Variants in CSPG4 observed in about 807,000 individuals in gnomAD.
CSPG4 encodes chondroitin sulfate proteoglycan 4.
In CSPG4, 74 loss-of-function variants were observed where a neutral mutation model predicts 139.3. The ratio of observed to expected loss-of-function variants is 0.53; its 90% CI spans 0.44 to 0.64. The LOEUF (loss-of-function observed/expected upper bound fraction) is 0.64. CSPG4 is among the 30% of genes least tolerant of loss of function. The pLI is 0.00. For missense variants in CSPG4, 2,565 were observed against 3,148.3 expected (o/e 0.81, Z 4.43); for synonymous variants, 1,234 against 1,394.2 (o/e 0.89, Z 2.56).
At chr15:75,712,949 C>G (rs1315610567), upstream of CSPG4, 7 of 536,340 alleles carry the variant, frequency 1.3e-5, no homozygotes, top group East Asian at 1.0e-4. Context: ...CACCTGCCCC[C>G]ACCCTCAACC....
Position 75,685,037 on chromosome 15 carries a change from A to C in CSPG4, c.4273-125T>G, listed in dbSNP as rs188002978. 8.4e-4 allele frequency: 1,082 copies of C among 1,281,434 alleles called. 14 individuals carry two copies. In the East Asian group the frequency reaches 0.02, roughly 24 times the overall value. 79.4% of individuals were successfully genotyped at this position (1,281,434 alleles called of 1,614,324 possible). A position where few individuals can be genotyped will look rare whatever the true frequency, so the allele number is the denominator to read the frequency against. On this transcript the variant is annotated intron_variant, in intron 4 of 9. Transcript: ENST00000308508. ...CCATTGGTAGAAAATGGGGACCATA[A>C]GTTCTGGCTCCGAGGAGTTGTGAGG...
At position 75,704,598 on chromosome 15, in the gene CSPG4, G is replaced by C. The variant is rs554794268; in HGVS notation, c.88+8070C>G. 2.6e-5 allele frequency among the ~76,000 whole-genome samples: 4 copies of C among 152,278 alleles called. No homozygotes were observed. In the South Asian group the frequency reaches 8.3e-4, roughly 32 times the overall value. On this transcript the variant is annotated intron_variant, in intron 1 of 9. Coordinates refer to ENST00000308508, the MANE Select transcript of CSPG4 (RefSeq NM_001897.5). Reference sequence around the variant, plus strand: ...CCTCTACGTGGGTGAAGGCAGTGGGGGCCTGCACAATGGGATCTTGCCCTG... The same window carrying C: ...CCTCTACGTGGGTGAAGGCAGTGGGCGCCTGCACAATGGGATCTTGCCCTG...
intron 1 of CSPG4, among the ~76,000 whole-genome samples, chr15:75,700,374 G>A (rs1164369044): frequency 2.0e-5 from 3 of 152,092 alleles, no homozygotes; most frequent in East Asian, 3.9e-4. Context: ...CCGGGTGGAG[G>A]GGGCAGCGAG....
At chr15:75,706,918 A>G (rs1283864986) in intron 1 of CSPG4, among the ~76,000 whole-genome samples, 1 of 151,510 alleles carries the variant, frequency 6.6e-6, no homozygotes, top group Admixed American at 6.6e-5. Context: ...GAGTGCCAAT[A>G]GGATACCACC....
At position 75,684,754 on chromosome 15, in the gene CSPG4, A is replaced by G; in HGVS notation, c.4431T>C (p.Thr1477=). 6.2e-7 allele frequency: 1 copy of G among 1,613,426 alleles called. No homozygotes were observed. Among genetic ancestry groups the G allele is most frequent in the Non-Finnish European group, 8.5e-7 (1 of 1,179,732 alleles). Residue 1477 remains threonine, a synonymous_variant, in exon 5 of 10, where the codon ACT becomes ACC. Transcript: ENST00000308508. ...CTCTCACCTGCAGGCCTGTGTTTGT[A>G]GTGAGGATGGGGGGTTGGTCATTGA... ...LPVNDQPPIL[T]TNTGLQMWEG...
rs958921631 is a variant in CSPG4, at chr15:75,698,189, C to T, written c.89-4956G>A. ...CGCCCCTCGGGGTTTGGCACCACGG[C>T]GGGAGATCCTGGCTCCAGGTCTGGG... On this transcript the variant is annotated intron_variant, in intron 1 of 9. Transcript: ENST00000308508. The surrounding 1 kb of genome is among the most constrained non-coding windows in gnomAD (Gnocchi z 4.3). 2.0e-5 allele frequency among the ~76,000 whole-genome samples: 3 copies of T among 151,996 alleles called. No individual in the cohort carries two copies. The highest frequency in any genetic ancestry group is 6.5e-5 in the Admixed American group (1 of 15,274).
In CSPG4 at chr15:75,712,671, C is replaced by T; in HGVS notation, c.85G>A (p.Ala29Thr). Residue 29 changes from alanine to threonine, a missense_variant, in exon 1 of 10, where the codon GCG (alanine) becomes ACG (threonine). Physicochemically the swap from Ala to Thr is moderately conservative, Grantham distance 58. Transcript: ENST00000308508. ...TLTMLARLAS[A>T]ASFFGENHLE... ...GGGTCTCAGGCCCCTCACTCACCCG[C>T]GGATGCAAGTCTGGCCAACATAGTC... 3.2e-6 allele frequency: 5 copies of T among 1,560,322 alleles called. No individual in the cohort carries two copies. In the South Asian group the frequency reaches 4.7e-5, roughly 15 times the overall value.
rs763126027 is a variant in CSPG4 at position 75,690,697 on chromosome 15, A to G, written c.368T>C (p.Leu123Ser). Reference protein sequence around the residue: ...VLTVVEGWATLSVDGFLNASS... With the variant: ...VLTVVEGWATSSVDGFLNASS... ...GGCGTTCAGAAACCCATCGACTGAC[A>G]ACGTGGCCCAGCCCTCTACGACAGT... is the stretch of plus-strand genomic sequence containing the variant. The change falls in exon 3 of 10, where the codon TTG becomes TCG. Residue 123 changes from leucine to serine, a missense_variant. Around this residue, in one of 5 missense-constraint regions of CSPG4, gnomAD observed 132 missense variants for 132.3 expected, o/e 1.00. Coordinates refer to ENST00000308508, the MANE Select transcript of CSPG4 (RefSeq NM_001897.5). 61 of 1,612,942 alleles carry G rather than the reference A, an allele frequency of 3.8e-5. No homozygotes were observed. Among genetic ancestry groups the G allele is most frequent in the Middle Eastern group, 1.7e-4 (1 of 6,008 alleles).
intron 1 of CSPG4, among the ~76,000 whole-genome samples, chr15:75,697,949 A>G (rs1182056879): frequency 2.0e-5 from 3 of 152,214 alleles, no homozygotes; most frequent in Admixed American, 2.0e-4. Flanking sequence ...AAAACTGAGA[A>G]GGAGAAATCA....
At position 75,675,638 on chromosome 15, in the gene CSPG4, G is replaced by A. The variant is rs530682211; in HGVS notation, c.6881C>T (p.Pro2294Leu). The change falls in exon 10 of 10, where the codon CCC becomes CTC. Residue 2294 changes from proline (P) to leucine (L), a missense_variant. Physicochemically the swap from Pro to Leu is moderately conservative, Grantham distance 98. Coordinates refer to ENST00000308508, the MANE Select transcript of CSPG4 (RefSeq NM_001897.5). ...IPLTAVPGQGPPPGGQPDPEL... is the reference protein window; with the variant it reads ...IPLTAVPGQGLPPGGQPDPEL... ...TGGGTCAGGCTGGCCTCCTGGAGGG[G>A]GCCCCTGGCCAGGCACAGCTGTGAG... 137 of 1,520,858 alleles carry A rather than the reference G, an allele frequency of 9.0e-5. 3 individuals carry two copies. In the South Asian group the frequency reaches 1.7e-3, roughly 19 times the overall value. The allele number at this position is 1,520,858 out of a possible 1,614,324, so 94.2% of individuals were successfully genotyped here. A position where few individuals can be genotyped will look rare whatever the true frequency, so the allele number is the denominator to read the frequency against.
chr15:75,712,562 A>T (rs1003940299), intron 1 of CSPG4, 106 bp downstream of exon 1: 11 of 1,103,014 alleles, frequency 1.0e-5, no homozygotes, highest in African/African-American at 9.6e-5. Flanking sequence ...AGCCTGCTTG[A>T]CTCCCGATCT....
At position 75,689,254 on chromosome 15, in the gene CSPG4, T is replaced by C. The variant is rs1894120413; in HGVS notation, c.1811A>G (p.Glu604Gly). The change falls in exon 3 of 10, where the codon GAG (glutamate) becomes GGG (glycine). Residue 604 changes from glutamate to glycine, a missense_variant. Physicochemically the swap from Glu to Gly is moderately conservative, Grantham distance 98. This residue lies in a region of CSPG4 where 2,316 missense variants were observed against 2,818.2 expected (regional missense o/e 0.82). Coordinates refer to ENST00000308508, the MANE Select transcript of CSPG4 (RefSeq NM_001897.5). ...VLGTSSGLPV[E>G]RRDQPGEPAT... ...CGGCTCCCCAGGCTGGTCTCGGCGC[T>C]CCACGGGGAGGCCAGAGGAGGTGCC... 1 of 1,610,334 alleles carries C rather than the reference T, an allele frequency of 6.2e-7. No homozygotes were observed. Among genetic ancestry groups the C allele is most frequent in the African/African-American group, 1.3e-5 (1 of 74,820 alleles).
chr15:75,690,627 G>C lies in CSPG4; in HGVS notation c.438C>G (p.Leu146=), dbSNP rs369034289. The change falls in exon 3 of 10, where the codon CTC becomes CTG. Residue 146 remains leucine (L), a synonymous_variant. Coordinates refer to ENST00000308508, the MANE Select transcript of CSPG4 (RefSeq NM_001897.5). The part of the protein sequence containing the change: ...PGAPLEVPYG[L]FVGGTGTLGL... Reference sequence around the variant, plus strand: ...CAAGGGTCCCAGTGCCCCCAACAAAGAGCCCATAGGGGACCTCTAGGGGGG... The same window carrying C: ...CAAGGGTCCCAGTGCCCCCAACAAACAGCCCATAGGGGACCTCTAGGGGGG... 8 of 1,610,594 alleles carry C rather than the reference G, an allele frequency of 5.0e-6. No homozygotes were observed. The African/African-American group carries it at 6.7e-5, about 13-fold the overall frequency.
rs144209551 is a variant in CSPG4, at chr15:75,688,368, C to A, written c.2697G>T (p.Ala899=). The A allele has an allele frequency of 6.2e-6, 10 of 1,613,236 alleles. No individual in the cohort carries two copies. Among genetic ancestry groups the A allele is most frequent in the African/African-American group, 2.7e-5 (2 of 74,932 alleles). Residue 899 remains alanine (A), a synonymous_variant, in exon 3 of 10, where the codon GCG becomes GCT. Coordinates refer to ENST00000308508, the MANE Select transcript of CSPG4 (RefSeq NM_001897.5). ...FPIHIGGDPD[A]PVLTNVLLVV... ...CGAGGAGGACATTGGTGAGGACAGG[C>A]GCATCTGGGTCACCACCAATGTGGA...
At chr15:75,701,415 G>T (rs879855575) in intron 1 of CSPG4, among the ~76,000 whole-genome samples, 67 of 152,150 alleles carry the variant, frequency 4.4e-4, no homozygotes, top group Non-Finnish European at 8.5e-4. Flanking sequence ...GCGTTGCCGG[G>T]GGGTGCACCA....
Position 75,705,971 on chromosome 15 carries a change from A to C in CSPG4, c.88+6697T>G, listed in dbSNP as rs552322864. On this transcript the variant is annotated intron_variant, in intron 1 of 9. Transcript: ENST00000308508. Reference sequence around the variant, plus strand: ...TGTGTCTGTATGTCTGTGTGTATCTATGTCTGTGTGTGCCTGTGTGCGTAT... The same window carrying C: ...TGTGTCTGTATGTCTGTGTGTATCTCTGTCTGTGTGTGCCTGTGTGCGTAT... Among the ~76,000 whole-genome samples, 261 of 150,852 alleles carry C rather than the reference A, an allele frequency of 1.7e-3. 1 individual carries two copies. The highest frequency in any genetic ancestry group is 3.1e-3 in the Non-Finnish European group (207 of 67,710).
intron 1 of CSPG4, among the ~76,000 whole-genome samples, chr15:75,705,639 C>A (rs77446800): frequency 6.6e-6 from 1 of 152,230 alleles, no homozygotes; most frequent in Admixed American, 6.5e-5. Flanking sequence ...CCTGAGCTCT[C>A]TAATGCCGTG....
In CSPG4 at chr15:75,687,832, A is replaced by G; in HGVS notation, c.3233T>C (p.Ile1078Thr). Reference sequence around the variant, plus strand: ...GAGGTCCTCCTGGGTGAAGCGGTAGATGGGCCGCGTGGGCTCATCTACGGC... The same window carrying G: ...GAGGTCCTCCTGGGTGAAGCGGTAGGTGGGCCGCGTGGGCTCATCTACGGC... ...IVAVDEPTRP[I>T]YRFTQEDLRK... Residue 1078 changes from isoleucine (I) to threonine (T), a missense_variant, in exon 3 of 10, where the codon ATC (isoleucine) becomes ACC (threonine). Physicochemically the swap from Ile to Thr is moderately conservative, Grantham distance 89. Coordinates refer to ENST00000308508, the MANE Select transcript of CSPG4 (RefSeq NM_001897.5). This position sits in a 1 kb window ranked among gnomAD's most constrained non-coding sequence, Gnocchi z 5.4. 1.2e-6 allele frequency: 2 copies of G among 1,612,904 alleles called. No homozygotes were observed. Among genetic ancestry groups the G allele is most frequent in the Non-Finnish European group, 1.7e-6 (2 of 1,180,016 alleles).
chr15:75,684,931 C>G lies in CSPG4; in HGVS notation c.4273-19G>C. The G allele has an allele frequency of 2.5e-6, 4 of 1,599,610 alleles. No individual in the cohort carries two copies. The highest frequency in any genetic ancestry group is 2.6e-6 in the Non-Finnish European group (3 of 1,168,610). ...CTTCCACCTAGGGGCAGGCCCAGGG[C>G]TGGCAGTCAGGCCCCAGCAGCACCC... On this transcript the variant is annotated intron_variant, in intron 4 of 9. Transcript: ENST00000308508.
Sources: gnomAD v4.1 joint callset for allele counts (sites outside exome capture counted in the v4.1 genomes callset) on GRCh38, gnomAD v4.1.1 for gene constraint, gnomAD v4.1.1 regional missense constraint, Gnocchi (gnomAD v3.1) non-coding constraint, MANE v1.5 for transcripts, NCBI Gene and HGNC (gene_info 2026-07-23, HGNC 2026-07-21) for gene names.